The following NRXN3 variants were observed in gnomAD, a reference collection of about 807,000 sequenced individuals.
NRXN3 encodes the protein neurexin 3.
A neutral mutation model predicts 137.6 loss-of-function variants in NRXN3; 32 were observed. The ratio of observed to expected loss-of-function variants is 0.23; its 90% CI spans 0.18 to 0.31. The LOEUF is 0.31. Ranked by LOEUF, NRXN3 falls within the 10% of genes least tolerant of loss-of-function variation. NRXN3 has a pLI of 1.00. For synonymous variants in NRXN3, 798 were observed against 784.5 expected, an observed-to-expected ratio of 1.02 and a Z score of -0.29; for missense variants, 1,574 against 2,062.5, an observed-to-expected ratio of 0.76 and a Z score of 4.59.
chr14:79,650,420 G>C (rs183430129), intron 16 of NRXN3, among the ~76,000 whole-genome samples: 2 of 151,814 alleles, frequency 1.3e-5, no homozygotes, highest in African/African-American at 2.4e-5. Context: ...TTTTTAAATT[G>C]TTATTAGAAA....
intron 4 of NRXN3, among the ~76,000 whole-genome samples, chr14:78,515,249 C>T (rs1567812617): frequency 1.3e-5 from 2 of 152,138 alleles, no homozygotes; most frequent in Non-Finnish European, 2.9e-5. Flanking sequence ...GAGGGATGCT[C>T]ATCTTCGACC....
intron 16 of NRXN3, among the ~76,000 whole-genome samples, chr14:79,533,570 G>A (rs2097187415): frequency 6.6e-6 from 1 of 152,006 alleles, no homozygotes; most frequent in Admixed American, 6.6e-5. Flanking sequence ...TCTTTAATTT[G>A]ACAGGTGATT....
intron 15 of NRXN3, among the ~76,000 whole-genome samples, chr14:79,236,292 A>G (rs1376953445): frequency 6.6e-6 from 1 of 152,090 alleles, no homozygotes; most frequent in Non-Finnish European, 1.5e-5. Context: ...AAATATTTAT[A>G]TGGTGTATAT....
intron 4 of NRXN3, among the ~76,000 whole-genome samples, chr14:78,568,094 G>A (rs2096853365): frequency 6.6e-6 from 1 of 152,314 alleles, no homozygotes; most frequent in African/African-American, 2.4e-5. Flanking sequence ...GAGAGCAGTG[G>A]ATGCTGGTAG....
intron 1 of NRXN3, among the ~76,000 whole-genome samples, chr14:78,224,381 C>T (rs1027832086): frequency 2.6e-5 from 4 of 151,938 alleles, no homozygotes; most frequent in East Asian, 1.9e-4. Context: ...CCCATTAACG[C>T]GTCATTTAGC....
chr14:78,313,483 GT>G (rs5809876), intron 4 of NRXN3, among the ~76,000 whole-genome samples: 26,643 of 148,910 alleles, frequency 0.18, 2,537 homozygotes, highest in South Asian at 0.23. Flanking sequence ...TTAAATAAAG[GT>G]TTTTTTTTTT....
intron 19 of NRXN3, among the ~76,000 whole-genome samples, chr14:79,711,735 A>C (rs1255039177): frequency 1.3e-5 from 2 of 152,222 alleles, no homozygotes; most frequent in Non-Finnish European, 2.9e-5. Context: ...TTCACGAAGA[A>C]CTGCCTTTGA....
chr14:79,115,245 A>G (rs2054221375), intron 15 of NRXN3, among the ~76,000 whole-genome samples: 2 of 151,632 alleles, frequency 1.3e-5, no homozygotes, highest in Non-Finnish European at 2.9e-5. Context: ...GAATCGCTTG[A>G]ACCTGGGAGA....
At chr14:78,347,285 G>A (rs2082874202) in intron 4 of NRXN3, among the ~76,000 whole-genome samples, 1 of 152,170 alleles carries the variant, frequency 6.6e-6, no homozygotes, top group Non-Finnish European at 1.5e-5. Flanking sequence ...AGGGAGCATA[G>A]TGAATTTACC....
chr14:78,853,298 A>G (rs1471573098), intron 10 of NRXN3, among the ~76,000 whole-genome samples: 1 of 151,990 alleles, frequency 6.6e-6, no homozygotes, highest in Admixed American at 6.6e-5. Flanking sequence ...ATTCCTACCT[A>G]TGAGTGAGAA....
At chr14:78,854,798 A>T (rs1396370728) in intron 10 of NRXN3, among the ~76,000 whole-genome samples, 1 of 152,136 alleles carries the variant, frequency 6.6e-6, no homozygotes, top group Non-Finnish European at 1.5e-5. Flanking sequence ...TGGGCTGGGC[A>T]CGGTGGCTCA....
At chr14:78,831,534 C>CAAAAAAAAAAAA (rs372852083) in intron 10 of NRXN3, among the ~76,000 whole-genome samples, 2 of 58,200 alleles carry the variant, frequency 3.4e-5, no homozygotes, top group African/African-American at 1.7e-4. Context: ...GACTCCATGT[C>CAAAAAAAAAAAA]AAAAAAAAAA....
In NRXN3 at chr14:78,456,958, G is replaced by GCTTCCTTC. The variant is rs2094752997; in HGVS notation, c.757+159103_757+159110dup. On this transcript the variant is annotated intron_variant, in intron 4 of 20. Transcript: ENST00000335750. ...CTTCCTCCCTTCCCTTCCCTTCCTT[G>GCTTCCTTC]CTTCCTTCCTTCTTCCTTCTCCTCC... Among the ~76,000 whole-genome samples the GCTTCCTTC allele has an allele frequency of 6.4e-5, 8 of 124,402 alleles. No homozygotes were observed. The South Asian group carries it at 2.0e-3, about 31-fold the overall frequency. 81.6% of individuals were successfully genotyped at this position (124,402 alleles called of 152,430 possible).
chr14:78,967,187 T>G (rs74067003), intron 12 of NRXN3, 21 bp from the exon 13 acceptor site: 38 of 1,405,990 alleles, frequency 2.7e-5, no homozygotes, highest in South Asian at 2.0e-4. Context: ...AATTATTGTT[T>G]TTTTTTTTTT....
In NRXN3 at chr14:78,587,665, C is replaced by G. The variant is rs182075193; in HGVS notation, c.758-57455C>G. 4.6e-4 allele frequency among the ~76,000 whole-genome samples: 70 copies of G among 152,284 alleles called. 1 individual carries two copies. The highest frequency in any genetic ancestry group is 1.6e-3 in the African/African-American group (68 of 41,564). On this transcript the variant is annotated intron_variant, in intron 4 of 20. Transcript: ENST00000335750. Reference sequence around the variant, plus strand: ...CATTCGCAACTATTTTTAATCTGAGCTAATCTGCCAATCATCTTTCCAAAA... The same window carrying G: ...CATTCGCAACTATTTTTAATCTGAGGTAATCTGCCAATCATCTTTCCAAAA...
chr14:78,322,713 A>C (rs2079535078), intron 4 of NRXN3, among the ~76,000 whole-genome samples: 1 of 151,688 alleles, frequency 6.6e-6, no homozygotes, highest in Non-Finnish European at 1.5e-5. Context: ...CTAGAACCCC[A>C]CCCTGCTAAT....
intron 11 of NRXN3, among the ~76,000 whole-genome samples, chr14:78,961,880 C>T (rs1397050740): frequency 6.6e-6 from 1 of 152,126 alleles, no homozygotes; most frequent in Non-Finnish European, 1.5e-5. Context: ...TTGTAGACTG[C>T]TTGTTGGCCA....
intron 4 of NRXN3, among the ~76,000 whole-genome samples, chr14:78,498,498 A>C (rs1450235562): frequency 6.6e-6 from 1 of 152,174 alleles, no homozygotes; most frequent in Non-Finnish European, 1.5e-5. Flanking sequence ...AACCTTGGGC[A>C]GACAGGGCTA....
intron 15 of NRXN3, among the ~76,000 whole-genome samples, chr14:79,020,342 C>T (rs1389775467): frequency 4.0e-5 from 6 of 149,648 alleles, no homozygotes; most frequent in East Asian, 2.0e-4. Flanking sequence ...CTTGTCTCAC[C>T]GCAACCTCCG....
Sources: allele counts gnomAD v4.1 joint callset (sites outside exome capture counted in the v4.1 genomes callset), GRCh38; gene constraint gnomAD v4.1.1; transcripts MANE v1.5; gene names NCBI Gene and HGNC (gene_info 2026-07-23, HGNC 2026-07-21).